Variants in DLGAP2 observed in about 807,000 individuals in gnomAD.
The protein encoded by DLGAP2 is disks large-associated protein 2.
In DLGAP2, 26 loss-of-function variants were observed where a neutral mutation model predicts 100.3. The ratio of observed to expected loss-of-function variants is 0.26; its 90% confidence interval spans 0.19 to 0.36. The LOEUF (loss-of-function observed/expected upper bound fraction) is 0.36. Ranked by LOEUF, DLGAP2 falls within the 10% of genes least tolerant of loss-of-function variation. The pLI is 1.00. For missense variants in DLGAP2, 1,858 were observed against 1,453.2 expected, an observed-to-expected ratio of 1.28 and a Z score of -4.53; for synonymous variants, 886 against 630.1, an observed-to-expected ratio of 1.41 and a Z score of -6.08.
At chr8:1,310,587 G>A (rs932933836) in intron 3 of DLGAP2, among the ~76,000 whole-genome samples, 1 of 152,210 alleles carries the variant, frequency 6.6e-6, no homozygotes, top group Non-Finnish European at 1.5e-5. Flanking sequence ...TAGGCCACAT[G>A]TTAGGCCAAA....
chr8:1,063,200 C>T (rs557556212), intron 2 of DLGAP2, among the ~76,000 whole-genome samples: 4 of 152,338 alleles, frequency 2.6e-5, no homozygotes, highest in South Asian at 4.1e-4. Flanking sequence ...ATATATTTGT[C>T]ATTAAGACCA....
intron 2 of DLGAP2, among the ~76,000 whole-genome samples, chr8:1,184,511 G>T (rs11998278): frequency 0.074 from 11,314 of 152,264 alleles, 513 homozygotes; most frequent in South Asian, 0.14. Flanking sequence ...TGCACGCGCT[G>T]TTCTCAGGGC....
chr8:1,588,901 G>A (rs1408920485), intron 6 of DLGAP2, among the ~76,000 whole-genome samples: 4 of 152,104 alleles, frequency 2.6e-5, no homozygotes, highest in African/African-American at 4.8e-5. Context: ...CAACCTGGGC[G>A]ACAGAGTGTG....
At chr8:1,498,715 T>C (rs1465885353) in intron 3 of DLGAP2, among the ~76,000 whole-genome samples, 1 of 152,246 alleles carries the variant, frequency 6.6e-6, no homozygotes, top group Non-Finnish European at 1.5e-5. Flanking sequence ...CGTATGTGAA[T>C]GTGGTCTCTG....
At chr8:1,079,893 G>A (rs961672782) in intron 2 of DLGAP2, among the ~76,000 whole-genome samples, 2 of 152,222 alleles carry the variant, frequency 1.3e-5, no homozygotes, top group Non-Finnish European at 2.9e-5. Flanking sequence ...AGCTGGGGCC[G>A]CACGGCCCTG....
rs757625897 is a variant in DLGAP2 at position 1,453,393 on chromosome 8, A to G, written c.107-47973A>G. On this transcript the variant is annotated intron_variant, in intron 3 of 14. Coordinates refer to ENST00000637795, the MANE Select transcript of DLGAP2 (RefSeq NM_001346810.2). The stretch of plus-strand genomic sequence containing the variant: ...AGTGTCTGAGAAAGAAAGACAGCCC[A>G]TAATGAAATTTACCTTCTTAAGTAG... Among the ~76,000 whole-genome samples, 6 of 152,218 alleles carry G rather than the reference A, an allele frequency of 3.9e-5. No individual in the cohort carries two copies. In the South Asian group the frequency reaches 8.3e-4, roughly 21 times the overall value.
chr8:976,185 A>G (rs1038895256), intron 2 of DLGAP2, among the ~76,000 whole-genome samples: 4 of 152,230 alleles, frequency 2.6e-5, no homozygotes, highest in African/African-American at 9.6e-5. Context: ...TATAAAAGAC[A>G]TAACATTTTC....
chr8:923,999 C>T (rs2129001969), intron 2 of DLGAP2, among the ~76,000 whole-genome samples: 1 of 152,294 alleles, frequency 6.6e-6, no homozygotes, highest in South Asian at 2.1e-4. Context: ...ATGCTGTTAA[C>T]ATTGCTTTGA....
intron 2 of DLGAP2, among the ~76,000 whole-genome samples, chr8:1,165,288 G>C (rs1327320629): frequency 6.6e-6 from 1 of 151,540 alleles, no homozygotes; most frequent in Admixed American, 6.6e-5. Flanking sequence ...ACAGAGATGG[G>C]GAGAGAGACA....
At chr8:985,668 C>T (rs56037916) in intron 2 of DLGAP2, among the ~76,000 whole-genome samples, 24,995 of 152,190 alleles carry the variant, frequency 0.16, 2,571 homozygotes, top group Non-Finnish European at 0.24. Flanking sequence ...GAGAGCAGAA[C>T]ATCTGGTAAT....
chr8:1,216,398 G>T (rs1246967354), intron 2 of DLGAP2, among the ~76,000 whole-genome samples: 9 of 152,096 alleles, frequency 5.9e-5, no homozygotes, highest in East Asian at 1.9e-4. Flanking sequence ...GCCCAGGCTG[G>T]AGTGCAGTGG....
intron 1 of DLGAP2, among the ~76,000 whole-genome samples, chr8:778,755 A>G (rs1821600511): frequency 6.6e-6 from 1 of 152,248 alleles, no homozygotes; most frequent in African/African-American, 2.4e-5. Context: ...GCTGTCAGAC[A>G]GGGACATTTA....
intron 3 of DLGAP2, among the ~76,000 whole-genome samples, chr8:1,288,410 A>C (rs1468031146): frequency 1.7e-5 from 2 of 117,092 alleles, no homozygotes; most frequent in African/African-American, 6.8e-5. Flanking sequence ...GGTTGTTAGG[A>C]GGGGAACTTG....
chr8:893,539 C>T (rs1402745231), intron 1 of DLGAP2, among the ~76,000 whole-genome samples: 2 of 152,214 alleles, frequency 1.3e-5, no homozygotes, highest in Non-Finnish European at 2.9e-5. Flanking sequence ...GGTTAGAGCC[C>T]AGTCCTGCGG....
intron 2 of DLGAP2, among the ~76,000 whole-genome samples, chr8:1,030,834 C>G: frequency 6.6e-6 from 1 of 152,130 alleles, no homozygotes; most frequent in East Asian, 1.9e-4. Context: ...GGGCCGCGGG[C>G]GGGACCTTCC....
intron 2 of DLGAP2, among the ~76,000 whole-genome samples, chr8:952,235 C>G (rs1171987389): frequency 6.6e-6 from 1 of 152,192 alleles, no homozygotes; most frequent in Non-Finnish European, 1.5e-5. Context: ...CCAGTACATC[C>G]TAGAGCCCAG....
intron 1 of DLGAP2, among the ~76,000 whole-genome samples, chr8:792,475 C>T (rs936176129): frequency 3.3e-5 from 5 of 152,258 alleles, no homozygotes; most frequent in East Asian, 1.9e-4. Context: ...ATAATAAAAA[C>T]GGTTCTAATG....
At chr8:1,288,289 A>C (rs1313699996) in intron 3 of DLGAP2, among the ~76,000 whole-genome samples, 1 of 113,066 alleles carries the variant, frequency 8.8e-6, no homozygotes, top group Non-Finnish European at 1.7e-5. Flanking sequence ...GTTTTGGTTC[A>C]GCGTGTGTGT....
chr8:1,333,450 C>G (rs1199124972), intron 3 of DLGAP2, among the ~76,000 whole-genome samples: 1 of 152,172 alleles, frequency 6.6e-6, no homozygotes, highest in East Asian at 1.9e-4. Flanking sequence ...GACACTTTCC[C>G]ATCCCGTCAT....
Sources: gnomAD v4.1 joint callset for allele counts (sites outside exome capture counted in the v4.1 genomes callset) on GRCh38, gnomAD v4.1.1 for gene constraint, MANE v1.5 for transcripts, NCBI Gene and HGNC (gene_info 2026-07-23, HGNC 2026-07-21) for gene names.